OLR1: variants seen among roughly 807,000 people sequenced by gnomAD.
OLR1 encodes the protein oxidized low density lipoprotein receptor 1.
OLR1 carries 23 observed loss-of-function variants against 31.7 expected under a neutral mutation model. The ratio of observed to expected loss-of-function variants is 0.72; its 90% CI spans 0.52 to 1.03. The LOEUF is 1.03. OLR1 is among the 50% of genes least tolerant of loss of function. The pLI, the probability that OLR1 is intolerant of heterozygous loss-of-function variation, is 0.00. For synonymous variants in OLR1, 117 were observed against 115.8 expected (o/e 1.01, Z -0.07); for missense variants, 286 against 315.7 (o/e 0.91, Z 0.71).
In OLR1 at chr12:10,159,793, C is replaced by T. The variant is rs1948604422; in HGVS notation, c.*87G>A. On this transcript the variant is annotated 3_prime_UTR_variant, in exon 6 of 6. Transcript: ENST00000309539. ...GCTAAATGACAGTTTTCTGGGCTCT[C>T]ATGTTTGGCACCCAAGTGACAAAGA... is the stretch of plus-strand genomic sequence containing the variant. 4 of 1,370,882 alleles carry T rather than the reference C, an allele frequency of 2.9e-6. No homozygotes were observed. Among genetic ancestry groups the T allele is most frequent in the Admixed American group, 4.1e-5 (2 of 48,478 alleles). 84.9% of individuals were successfully genotyped at this position (1,370,882 alleles called of 1,614,324 possible).
chr12:10,171,144 C>A (rs1243451954), intron 1 of OLR1, among the ~76,000 whole-genome samples: 1 of 152,206 alleles, frequency 6.6e-6, no homozygotes, highest in African/African-American at 2.4e-5. Flanking sequence ...CAATTTAGTT[C>A]ATTGGCTCAA....
At chr12:10,166,344 A>G (rs1948661784) in intron 3 of OLR1, among the ~76,000 whole-genome samples, 1 of 152,112 alleles carries the variant, frequency 6.6e-6, no homozygotes, top group South Asian at 2.1e-4. Context: ...CCTAGCCAAC[A>G]TGGTGAAACC....
At chr12:10,167,768 TC>T (rs1241603096) in intron 2 of OLR1, 88 of 151,948 alleles carry the variant, frequency 5.8e-4, no homozygotes, top group African/African-American at 1.9e-3. Flanking sequence ...TTTTTTCTTT[TC>T]TTTTTTTTTT....
chr12:10,171,520 G>T (rs1306460675), intron 1 of OLR1, among the ~76,000 whole-genome samples: 3 of 152,172 alleles, frequency 2.0e-5, no homozygotes, highest in Non-Finnish European at 4.4e-5. Context: ...TTTTTGTAGT[G>T]CCTGAAGGAC....
intron 3 of OLR1, among the ~76,000 whole-genome samples, chr12:10,161,492 T>C (rs1257706888): frequency 1.3e-5 from 2 of 152,252 alleles, no homozygotes; most frequent in Non-Finnish European, 2.9e-5. Context: ...ACTATGTGTC[T>C]TGCTTTCAGA....
In OLR1 at chr12:10,158,905, A is replaced by G. The variant is rs1948596374; in HGVS notation, c.*975T>C. 1 of 152,192 alleles carries G rather than the reference A, an allele frequency of 6.6e-6. No homozygotes were observed. Among genetic ancestry groups the G allele is most frequent in the African/African-American group, 2.4e-5 (1 of 41,442 alleles). 9.4% of individuals were successfully genotyped at this position (152,192 alleles called of 1,614,324 possible). A position where few individuals can be genotyped will look rare whatever the true frequency, so the allele number is the denominator to read the frequency against. On this transcript the variant is annotated 3_prime_UTR_variant, in exon 6 of 6. Transcript: ENST00000309539. ...GTGGAAAGGAAATAGAAGCCTAAAA[A>G]TAGAAGATATATTTCTAATTCCATC...
Position 10,158,772 on chromosome 12 carries a change from C to T in OLR1, c.*1108G>A, listed in dbSNP as rs1159390688. The T allele has an allele frequency of 6.6e-6, 1 of 150,380 alleles. No individual in the cohort carries two copies. The highest frequency in any genetic ancestry group is 3.2e-3 in the Middle Eastern group (1 of 314). The allele number at this position is 150,380 out of a possible 1,614,324, so 9.3% of individuals were successfully genotyped here. On this transcript the variant is annotated 3_prime_UTR_variant, in exon 6 of 6. Transcript: ENST00000309539. ...TTTTAACAAAAGCAAACATCTCTTG[C>T]CTACATAAGGATGACACAGCTCTTA... is the stretch of plus-strand genomic sequence containing the variant.
At chr12:10,165,576 G>A (rs1948654367) in intron 3 of OLR1, among the ~76,000 whole-genome samples, 1 of 151,954 alleles carries the variant, frequency 6.6e-6, no homozygotes, top group Admixed American at 6.6e-5. Flanking sequence ...AAATGCATTG[G>A]AATGGAAAGA....
chr12:10,166,716 A>G lies in OLR1; in HGVS notation c.420T>C (p.Cys140=), dbSNP rs1391075436. The G allele has an allele frequency of 6.2e-7, 1 of 1,613,880 alleles. No individual in the cohort carries two copies. Among genetic ancestry groups the G allele is most frequent in the Non-Finnish European group, 8.5e-7 (1 of 1,180,024 alleles). Residue 140 remains cysteine (C), a synonymous_variant, in exon 3 of 6, where the codon TGT becomes TGC. Transcript: ENST00000309539. ...TACCCACCCTTCTCCCAATACCTGA[A>G]CAATTTGCTACTCTCTTCAGTGTTT... The part of the protein sequence containing the change: ...LQETLKRVAN[C]SAPCPQDWIW...
At chr12:10,168,886 C>G (rs1273127240) in intron 2 of OLR1, among the ~76,000 whole-genome samples, 188 bp downstream of exon 2, 1 of 152,176 alleles carries the variant, frequency 6.6e-6, no homozygotes, top group African/African-American at 2.4e-5. Flanking sequence ...TTTCATGGCT[C>G]TATCCATTGG....
chr12:10,160,613 G>C (rs527728459), intron 4 of OLR1, 151 bp from the exon 5 acceptor site: 20 of 978,094 alleles, frequency 2.0e-5, no homozygotes, highest in Non-Finnish European at 3.1e-5. Context: ...CTGAAGGCTA[G>C]AGATACTACA....
chr12:10,164,201 C>A (rs908581698), intron 3 of OLR1, among the ~76,000 whole-genome samples: 1 of 152,148 alleles, frequency 6.6e-6, no homozygotes, highest in East Asian at 1.9e-4. Flanking sequence ...TTGGTTAGTA[C>A]GTGGTTATGT....
intron 1 of OLR1, among the ~76,000 whole-genome samples, chr12:10,171,254 G>A (rs1487939622): frequency 2.0e-5 from 3 of 152,038 alleles, no homozygotes; most frequent in East Asian, 3.8e-4. Context: ...CCAAATTTCT[G>A]ACAATACTTG....
upstream of OLR1, among the ~76,000 whole-genome samples, chr12:10,172,603 A>G (rs1039493829): frequency 6.6e-6 from 1 of 152,330 alleles, no homozygotes. Context: ...GGTGAATCAC[A>G]TATGGCTCCC....
intron 1 of OLR1, among the ~76,000 whole-genome samples, chr12:10,171,639 C>A (rs1948718967): frequency 1.3e-5 from 2 of 152,140 alleles, no homozygotes; most frequent in African/African-American, 4.8e-5. Context: ...AGCTCTACCA[C>A]TTATTAGCTC....
At chr12:10,161,010 C>G (rs183144177) in intron 3 of OLR1, 85 bp from the exon 4 acceptor site, 10 of 1,302,236 alleles carry the variant, frequency 7.7e-6, no homozygotes, top group Middle Eastern at 3.8e-4. Flanking sequence ...CCCCTTAGTT[C>G]TCTCACGTGC....
At position 10,160,323 on chromosome 12, in the gene OLR1, CATCAA is replaced by C; in HGVS notation, c.680+19_680+23del. ...AAGAATAGGAAACTGACGAGAGAGG[CATCAA>C]AAAGAATGGGAAACTTACAAGTGGG... On this transcript the variant is annotated intron_variant, in intron 5 of 5. Coordinates refer to ENST00000309539, the MANE Select transcript of OLR1 (RefSeq NM_002543.4). 6.5e-7 allele frequency: 1 copy of C among 1,549,312 alleles called. No homozygotes were observed. Among genetic ancestry groups the C allele is most frequent in the South Asian group, 1.1e-5 (1 of 88,350 alleles).
At chr12:10,176,100 C>A (rs1284336723), upstream of OLR1, among the ~76,000 whole-genome samples, 1 of 152,164 alleles carries the variant, frequency 6.6e-6, no homozygotes. Context: ...GTAATGAGAC[C>A]ATTTCCCTCT....
At chr12:10,164,947 C>T (rs955010877) in intron 3 of OLR1, among the ~76,000 whole-genome samples, 1 of 152,114 alleles carries the variant, frequency 6.6e-6, no homozygotes, top group African/African-American at 2.4e-5. Context: ...GCTTGCAAGC[C>T]AGTCTACCTC....
Sources: gnomAD v4.1 joint callset for allele counts (sites outside exome capture counted in the v4.1 genomes callset) on GRCh38, gnomAD v4.1.1 for gene constraint, MANE v1.5 for transcripts, NCBI Gene and HGNC (gene_info 2026-07-23, HGNC 2026-07-21) for gene names.